The following DNAAF9 variants were observed in gnomAD, a reference collection of about 807,000 sequenced individuals.
DNAAF9 encodes the protein dynein axonemal assembly factor 9.
Under a neutral mutation model 167.0 loss-of-function variants are expected in DNAAF9, and 90 were observed. That is an observed-to-expected ratio of 0.54 (90% CI 0.45 to 0.64). The LOEUF (loss-of-function observed/expected upper bound fraction) is 0.64, where lower values mean the gene tolerates loss of function less well. Among genes scored for constraint, DNAAF9 ranks in the 30% least tolerant of loss-of-function variants. The probability of loss-of-function intolerance (pLI) is 0.00; values close to 1 mark genes in which losing one functional copy is unlikely to be tolerated. For missense variants in DNAAF9, 1,315 were observed against 1,442.2 expected (o/e 0.91, Z 1.43); for synonymous variants, 491 against 508.8 (o/e 0.96, Z 0.47).
At chr20:3,255,431 G>A in intron 34 of DNAAF9, 147 bp from the exon 35 acceptor site, 1 of 595,768 alleles carries the variant, frequency 1.7e-6, no homozygotes, top group East Asian at 2.8e-5. Context: ...ATTCTGTCTA[G>A]TCTGCTCTTT....
chr20:3,319,262 CAAAAAAA>C (rs57727958), intron 16 of DNAAF9, among the ~76,000 whole-genome samples: 559 of 41,500 alleles, frequency 0.013, 3 homozygotes, highest in Middle Eastern at 0.036. Context: ...GACCCCGTCT[CAAAAAAA>C]AAAAAAAAAA....
intron 29 of DNAAF9, among the ~76,000 whole-genome samples, chr20:3,276,565 C>A (rs1170515352): frequency 6.6e-6 from 1 of 152,210 alleles, no homozygotes; most frequent in Non-Finnish European, 1.5e-5. Context: ...GGGCTTTTCT[C>A]TTGTGAGACA....
chr20:3,280,419 G>A (rs527985165), intron 28 of DNAAF9, among the ~76,000 whole-genome samples: 2 of 151,912 alleles, frequency 1.3e-5, no homozygotes, highest in East Asian at 2.0e-4. Flanking sequence ...AAAAAAATTA[G>A]CCGGGCATGG....
intron 24 of DNAAF9, 39 bp downstream of exon 24, chr20:3,294,489 C>G (rs1292054991): frequency 7.2e-7 from 1 of 1,390,236 alleles, no homozygotes; most frequent in Admixed American, 1.7e-5. Context: ...ATTTCAAAAG[C>G]CAGAATATTA....
In DNAAF9 at chr20:3,315,943, C is replaced by G. The variant is rs774302455; in HGVS notation, c.1540-158G>C. 2.7e-5 allele frequency: 18 copies of G among 665,396 alleles called. No individual in the cohort carries two copies. The highest frequency in any genetic ancestry group is 4.3e-5 in the Non-Finnish European group (16 of 368,568). The allele number at this position is 665,396 out of a possible 1,614,324, so 41.2% of individuals were successfully genotyped here. A position where few individuals can be genotyped will look rare whatever the true frequency, so the allele number is the denominator to read the frequency against. Reference sequence around the variant, plus strand: ...TCAGGCCCTGACACACCTGAGATGTCTGCTGGTCACCTGGGCTCAGAGCCC... The same window carrying G: ...TCAGGCCCTGACACACCTGAGATGTGTGCTGGTCACCTGGGCTCAGAGCCC... On this transcript the variant is annotated intron_variant, in intron 18 of 36. Transcript: ENST00000252032. This position sits in a 1 kb window ranked among gnomAD's most constrained non-coding sequence, Gnocchi z 4.1.
chr20:3,340,433 T>TCCGGGGGGCCCCCCCCCCCC, intron 10 of DNAAF9, 71 bp downstream of exon 10: 1 of 221,214 alleles, frequency 4.5e-6, no homozygotes, highest in Non-Finnish European at 9.5e-6. Context: ...TTTGTCTAGC[T>TCCGGGGGGCCCCCCCCCCCC]CCCCCCACCC....
At chr20:3,342,134 C>G (rs1022677339) in intron 9 of DNAAF9, among the ~76,000 whole-genome samples, 1 of 152,174 alleles carries the variant, frequency 6.6e-6, no homozygotes, top group Non-Finnish European at 1.5e-5. Context: ...CTTGTATGAT[C>G]TGGTGAACTT....
chr20:3,316,600 C>T, intron 18 of DNAAF9, 123 bp downstream of exon 18: 1 of 607,412 alleles, frequency 1.6e-6, no homozygotes, highest in South Asian at 2.2e-5. Flanking sequence ...AATTCCATTC[C>T]TGAACAACAG....
At chr20:3,379,587 C>CAAAAAAAAAAAA (rs2083620145) in intron 3 of DNAAF9, among the ~76,000 whole-genome samples, 1 of 151,936 alleles carries the variant, frequency 6.6e-6, no homozygotes, top group Admixed American at 6.6e-5. Flanking sequence ...GACTCTGTCT[C>CAAAAAAAAAAAA]AAAATAAATA....
chr20:3,385,650 T>C (rs1482350621), intron 1 of DNAAF9, among the ~76,000 whole-genome samples: 11 of 152,214 alleles, frequency 7.2e-5, no homozygotes, highest in Admixed American at 7.2e-4. Context: ...TAGGCTGGTC[T>C]TGAATTCCTA....
intron 1 of DNAAF9, among the ~76,000 whole-genome samples, chr20:3,392,048 T>G (rs2083834273): frequency 6.6e-6 from 1 of 152,082 alleles, no homozygotes; most frequent in African/African-American, 2.4e-5. Context: ...ATGGTGTGCA[T>G]CAGAAGTCCC....
At chr20:3,332,887 CGTGTGTGCGTGTGGTGTGTGTGTGT>C (rs904652990) in intron 10 of DNAAF9, among the ~76,000 whole-genome samples, 1 of 114,252 alleles carries the variant, frequency 8.8e-6, no homozygotes, top group African/African-American at 3.6e-5. Context: ...TGCGTGTGTG[CGTGTGTGCGTGTGGTGTGTGTGTGT>C]GTGTGTGTGT....
rs2083413680 is a variant in DNAAF9, at chr20:3,365,135, T to C, written c.613-5542A>G. Among the ~76,000 whole-genome samples the C allele has an allele frequency of 2.6e-5, 4 of 152,058 alleles. No homozygotes were observed. In the South Asian group the frequency reaches 8.3e-4, roughly 32 times the overall value. On this transcript the variant is annotated intron_variant, in intron 6 of 36. Transcript: ENST00000252032. ...ATAGGTGCACCATGATGCCAGCTAATTAAAACAAAAATCTGTTTTTGTAAA... is the reference window on the plus strand; with the variant it reads ...ATAGGTGCACCATGATGCCAGCTAACTAAAACAAAAATCTGTTTTTGTAAA...
At chr20:3,361,190 C>G (rs750374679) in intron 6 of DNAAF9, among the ~76,000 whole-genome samples, 31 of 152,108 alleles carry the variant, frequency 2.0e-4, no homozygotes, top group Non-Finnish European at 4.6e-4. Context: ...GAATAAAAAG[C>G]AGCACCCCTC....
At chr20:3,354,227 G>A (rs536363258) in intron 7 of DNAAF9, among the ~76,000 whole-genome samples, 20 of 152,302 alleles carry the variant, frequency 1.3e-4, no homozygotes, top group Non-Finnish European at 1.3e-4. Flanking sequence ...CGCTAGACAT[G>A]CTATTCTCCC....
intron 1 of DNAAF9, among the ~76,000 whole-genome samples, chr20:3,400,674 A>C (rs2083970627): frequency 1.3e-5 from 2 of 152,182 alleles, no homozygotes; most frequent in Non-Finnish European, 2.9e-5. Context: ...CAATAATTTA[A>C]GCTGTGTTAC....
chr20:3,269,769 A>C (rs1310858083), intron 30 of DNAAF9, among the ~76,000 whole-genome samples: 3 of 152,030 alleles, frequency 2.0e-5, no homozygotes, highest in African/African-American at 4.8e-5. Context: ...CCTGGCTAAC[A>C]TGGTGAAACC....
At chr20:3,254,146 T>C (rs1206775918) in intron 35 of DNAAF9, among the ~76,000 whole-genome samples, 1 of 152,204 alleles carries the variant, frequency 6.6e-6, no homozygotes, top group Non-Finnish European at 1.5e-5. Context: ...TGGCGTGATC[T>C]TGGCTCACTG....
chr20:3,253,270 C>T (rs1046267186), intron 36 of DNAAF9, among the ~76,000 whole-genome samples: 5 of 152,246 alleles, frequency 3.3e-5, no homozygotes, highest in African/African-American at 7.2e-5. Flanking sequence ...GGAGAAACTC[C>T]GTTTCTACTA....
Sources: allele counts gnomAD v4.1 joint callset (sites outside exome capture counted in the v4.1 genomes callset), GRCh38; gene constraint gnomAD v4.1.1; non-coding constraint Gnocchi (gnomAD v3.1); transcripts MANE v1.5; gene names NCBI Gene and HGNC (gene_info 2026-07-23, HGNC 2026-07-21).